The following UACA variants were observed in gnomAD, a reference collection of about 807,000 sequenced individuals.
The protein encoded by UACA is nuclear membrane binding protein.
Under a neutral mutation model 160.5 loss-of-function variants are expected in UACA, and 112 were observed. The ratio of observed to expected loss-of-function variants is 0.70; its 90% CI spans 0.60 to 0.82. The LOEUF (loss-of-function observed/expected upper bound fraction) is 0.82. UACA is among the 40% of genes least tolerant of loss of function. The pLI is 0.00. For synonymous variants in UACA, 557 were observed against 568.4 expected (o/e 0.98, Z 0.29); for missense variants, 1,574 against 1,614.6 (o/e 0.97, Z 0.43).
intron 2 of UACA, among the ~76,000 whole-genome samples, chr15:70,695,851 T>C (rs1898107756): frequency 6.6e-6 from 1 of 151,952 alleles, no homozygotes; most frequent in Non-Finnish European, 1.5e-5. Context: ...TCATCTAATA[T>C]TTTATTAATC....
intron 1 of UACA, among the ~76,000 whole-genome samples, chr15:70,746,257 G>C (rs1310649763): frequency 6.6e-6 from 1 of 152,076 alleles, no homozygotes; most frequent in African/African-American, 2.4e-5. Context: ...CTAATATCCA[G>C]AATCTACATG....
chr15:70,769,536 G>A, the UACA span, among the ~76,000 whole-genome samples: 1 of 150,246 alleles, frequency 6.7e-6, no homozygotes, highest in Non-Finnish European at 1.5e-5. Flanking sequence ...TTATAATAAA[G>A]TTATATATAA....
intron 1 of UACA, among the ~76,000 whole-genome samples, chr15:70,729,233 C>T (rs1899241080): frequency 6.6e-6 from 1 of 152,162 alleles, no homozygotes; most frequent in Non-Finnish European, 1.5e-5. Flanking sequence ...AGACACCGTA[C>T]TTGTATGTTC....
At chr15:70,659,845 A>C (rs1896639403) in intron 18 of UACA, among the ~76,000 whole-genome samples, 1 of 152,058 alleles carries the variant, frequency 6.6e-6, no homozygotes, top group Non-Finnish European at 1.5e-5. Flanking sequence ...CGTGGATGTC[A>C]AGGCATTATC....
chr15:70,666,683 G>C (rs1595869652), intron 16 of UACA, 41 bp downstream of exon 16: 2 of 1,479,216 alleles, frequency 1.4e-6, no homozygotes, highest in Non-Finnish European at 1.8e-6. Context: ...CACTGCTCTG[G>C]GGTTTCCAAC....
Position 70,763,512 on chromosome 15 carries a change from A to G in UACA, c.-105T>C. 8.0e-7 allele frequency: 1 copy of G among 1,249,672 alleles called. No individual in the cohort carries two copies. The highest frequency in any genetic ancestry group is 4.2e-5 in the Admixed American group (1 of 23,668). The allele number at this position is 1,249,672 out of a possible 1,614,324, so 77.4% of individuals were successfully genotyped here. On this transcript the variant is annotated 5_prime_UTR_variant, in exon 1 of 19. Coordinates refer to ENST00000322954, the MANE Select transcript of UACA (RefSeq NM_018003.4). ...CAGCAGAGGCGGCGCGGGCTGTACC[A>G]GCCCCACCTGCCTGCCACCTGCGGG...
rs1341879009 is a variant in UACA, at chr15:70,677,980, G to A, written c.999+119C>T. 4 of 669,360 alleles carry A rather than the reference G, an allele frequency of 6.0e-6. No individual in the cohort carries two copies. In the East Asian group the frequency reaches 1.1e-4, roughly 18 times the overall value. The allele number at this position is 669,360 out of a possible 1,614,324, so 41.5% of individuals were successfully genotyped here. ...TTTCATGTAAAAATCCTGGTCCCCA[G>A]TAAGATTTAACTCCTCTGAAGTGCA... On this transcript the variant is annotated intron_variant, in intron 11 of 18. Transcript: ENST00000322954.
intron 5 of UACA, among the ~76,000 whole-genome samples, chr15:70,689,833 TAAAATCTCTA>T (rs1566977171): frequency 6.6e-6 from 1 of 152,070 alleles, no homozygotes; most frequent in Non-Finnish European, 1.5e-5. Context: ...ACAAGTATAA[TAAAATCTCTA>T]AAAATCAGTA....
chr15:70,696,241 T>A (rs1331688611), intron 2 of UACA, among the ~76,000 whole-genome samples: 1 of 152,220 alleles, frequency 6.6e-6, no homozygotes, highest in African/African-American at 2.4e-5. Context: ...CCTGCCTTTA[T>A]TATTCTATAG....
chr15:70,720,833 A>G (rs970531665), intron 1 of UACA, among the ~76,000 whole-genome samples: 34 of 152,324 alleles, frequency 2.2e-4, no homozygotes, highest in African/African-American at 7.0e-4. Flanking sequence ...GCACCTGACC[A>G]TGTGACATGC....
chr15:70,671,884 A>G, intron 14 of UACA, 81 bp downstream of exon 14: 1 of 1,230,110 alleles, frequency 8.1e-7, no homozygotes, highest in Non-Finnish European at 1.1e-6. Flanking sequence ...TTATTCCTGT[A>G]TAGTTAAACA....
intron 1 of UACA, among the ~76,000 whole-genome samples, chr15:70,718,818 C>T (rs1440455488): frequency 6.6e-6 from 1 of 152,048 alleles, no homozygotes; most frequent in Non-Finnish European, 1.5e-5. Context: ...GCTTTGAAAC[C>T]AGGTGGCAGA....
At chr15:70,740,899 C>T (rs1899512974) in intron 1 of UACA, among the ~76,000 whole-genome samples, 1 of 151,594 alleles carries the variant, frequency 6.6e-6, no homozygotes, top group South Asian at 2.1e-4. Flanking sequence ...ATTAGCCAGG[C>T]GTCGTGGTGG....
At chr15:70,774,770 T>A in the UACA span, among the ~76,000 whole-genome samples, 1 of 152,248 alleles carries the variant, frequency 6.6e-6, no homozygotes, top group South Asian at 2.1e-4. Flanking sequence ...AAAGTTAAAA[T>A]AGGCTGGGTG....
At chr15:70,710,572 C>A (rs1258170787) in intron 1 of UACA, among the ~76,000 whole-genome samples, 1 of 152,216 alleles carries the variant, frequency 6.6e-6, no homozygotes. Flanking sequence ...CAGATGCCAA[C>A]TGCAAGCCCC....
the UACA span, among the ~76,000 whole-genome samples, chr15:70,770,088 A>G: frequency 6.6e-6 from 1 of 152,212 alleles, no homozygotes; most frequent in Non-Finnish European, 1.5e-5. Context: ...TGATTGATTG[A>G]TTGTTTTTTG....
At chr15:70,665,261 A>G (rs1436443296) in intron 16 of UACA, among the ~76,000 whole-genome samples, 1 of 152,180 alleles carries the variant, frequency 6.6e-6, no homozygotes, top group Non-Finnish European at 1.5e-5. Context: ...TGTATTATTT[A>G]AGACCACTTT....
intron 18 of UACA, among the ~76,000 whole-genome samples, chr15:70,658,607 T>A (rs1896567328): frequency 6.6e-6 from 1 of 152,220 alleles, no homozygotes; most frequent in African/African-American, 2.4e-5. Flanking sequence ...ATGTTAGCCA[T>A]TTATATTTTT....
intron 1 of UACA, chr15:70,701,871 A>G (rs1300675587): frequency 6.2e-7 from 1 of 1,611,718 alleles, no homozygotes; most frequent in South Asian, 1.1e-5. Context: ...CTACTGGGAT[A>G]CCTACTCTGT....
Sources: allele counts gnomAD v4.1 joint callset (sites outside exome capture counted in the v4.1 genomes callset), GRCh38; gene constraint gnomAD v4.1.1; transcripts MANE v1.5; gene names NCBI Gene and HGNC (gene_info 2026-07-23, HGNC 2026-07-21).